Variants in EHMT1 observed in about 807,000 individuals in gnomAD.
EHMT1 encodes histone-lysine N-methyltransferase EHMT1.
EHMT1 carries 15 observed loss-of-function variants against 147.2 expected under a neutral mutation model. The observed-to-expected ratio is 0.10, with a 90% CI of 0.07 to 0.16. The LOEUF (loss-of-function observed/expected upper bound fraction) is 0.16. Ranked by LOEUF, EHMT1 falls within the 10% of genes least tolerant of loss-of-function variation. The pLI is 1.00. For missense variants in EHMT1, 1,587 were observed against 1,772.4 expected, an observed-to-expected ratio of 0.90 and a Z score of 1.88; for synonymous variants, 795 against 709.6, an observed-to-expected ratio of 1.12 and a Z score of -1.91.
chr9:137,776,727 G>C lies in EHMT1; in HGVS notation c.1901G>C (p.Ser634Thr), dbSNP rs1486960639. Residue 634 changes from serine (S) to threonine (T), a missense_variant, in exon 12 of 27, where the codon AGC becomes ACC. By Grantham distance (58) the Ser-to-Thr change is moderately conservative. Around this residue, in one of 7 missense-constraint regions of EHMT1, gnomAD observed 124 missense variants for 197.8 expected, o/e 0.63. Transcript: ENST00000460843. This position sits in a 1 kb window ranked among gnomAD's most constrained non-coding sequence, Gnocchi z 4.4. Reference protein sequence around the residue: ...ASYCPHCGEESSKAKEVTIAK... With the variant: ...ASYCPHCGEETSKAKEVTIAK... ...TATTGTCCCCACTGTGGGGAGGAGA[G>C]CTCCAAGGCCAAAGAGGTGACGATA... The C allele has an allele frequency of 6.2e-7, 1 of 1,614,008 alleles. No homozygotes were observed. Among genetic ancestry groups the C allele is most frequent in the Admixed American group, 1.7e-5 (1 of 60,022 alleles).
At chr9:137,635,404 A>C (rs1024848877) in intron 1 of EHMT1, among the ~76,000 whole-genome samples, 10 of 150,826 alleles carry the variant, frequency 6.6e-5, no homozygotes, top group Admixed American at 6.6e-4. Context: ...TTTGGTAGAG[A>C]CGGAGTTTCA....
chr9:137,633,380 A>AT (rs199509388), intron 1 of EHMT1, among the ~76,000 whole-genome samples: 2,374 of 151,790 alleles, frequency 0.016, 27 homozygotes, highest in Non-Finnish European at 0.024. Flanking sequence ...GGGGGATAAC[A>AT]TTTTGCTTAA....
intron 1 of EHMT1, 135 bp downstream of exon 1, chr9:137,619,184 C>CGCCGCT: frequency 6.7e-6 from 1 of 150,254 alleles, no homozygotes; most frequent in Non-Finnish European, 1.4e-5. Flanking sequence ...CCGCCGCCGC[C>CGCCGCT]GCCGCCGCTG....
intron 6 of EHMT1, among the ~76,000 whole-genome samples, chr9:137,749,714 T>C (rs149787034): frequency 1.3e-5 from 2 of 152,354 alleles, no homozygotes; most frequent in East Asian, 1.9e-4. Flanking sequence ...CAGCCTCTTA[T>C]AAAGAAGCTC....
At chr9:137,717,421 G>A in intron 3 of EHMT1, 1 of 620,512 alleles carries the variant, frequency 1.6e-6, no homozygotes, top group Non-Finnish European at 2.8e-6. Context: ...TGGGCAGCGT[G>A]GCGAAACTCA....
At chr9:137,826,162 G>A (rs1362371565) in intron 25 of EHMT1, among the ~76,000 whole-genome samples, 8 of 135,278 alleles carry the variant, frequency 5.9e-5, no homozygotes, top group Non-Finnish European at 1.1e-4. Context: ...GGTGGGTGGG[G>A]CGGTGTGTTC....
At chr9:137,662,535 T>C (rs1446948921) in intron 1 of EHMT1, among the ~76,000 whole-genome samples, 2 of 152,128 alleles carry the variant, frequency 1.3e-5, no homozygotes, top group Non-Finnish European at 2.9e-5. Flanking sequence ...AGTCTCGCTC[T>C]GTTGCCCAGG....
intron 1 of EHMT1, among the ~76,000 whole-genome samples, chr9:137,678,969 T>A (rs986739182): frequency 2.0e-5 from 3 of 152,090 alleles, no homozygotes; most frequent in Admixed American, 6.6e-5. Context: ...ATTTTATTTT[T>A]TTGAGATGGA....
intron 1 of EHMT1, among the ~76,000 whole-genome samples, chr9:137,691,829 C>T (rs1942960750): frequency 6.6e-6 from 1 of 152,124 alleles, no homozygotes; most frequent in African/African-American, 2.4e-5. Flanking sequence ...GTGCTTGGTA[C>T]ACTTGCCTGG....
At chr9:137,695,594 G>A (rs1471933814) in intron 1 of EHMT1, among the ~76,000 whole-genome samples, 1 of 152,222 alleles carries the variant, frequency 6.6e-6, no homozygotes, top group African/African-American at 2.4e-5. Flanking sequence ...ACATGGGGGT[G>A]GTGTTAGTGT....
chr9:137,733,963 A>G (rs1947326128), intron 4 of EHMT1, among the ~76,000 whole-genome samples: 1 of 152,208 alleles, frequency 6.6e-6, no homozygotes, highest in Non-Finnish European at 1.5e-5. Flanking sequence ...AATGACAACA[A>G]CAAAAACACC....
intron 1 of EHMT1, chr9:137,646,394 C>A (rs893479029): frequency 1.3e-5 from 13 of 985,370 alleles, no homozygotes; most frequent in Non-Finnish European, 1.6e-5. Context: ...CCTGTGACCA[C>A]GGGGAGAGGA....
chr9:137,628,833 G>A (rs966585947), intron 1 of EHMT1, among the ~76,000 whole-genome samples: 4 of 152,230 alleles, frequency 2.6e-5, no homozygotes, highest in Admixed American at 2.6e-4. Context: ...TGGGGCTAGA[G>A]CCCTGGTTTC....
chr9:137,789,691 G>A (rs1952359648), intron 15 of EHMT1, among the ~76,000 whole-genome samples: 1 of 152,134 alleles, frequency 6.6e-6, no homozygotes, highest in South Asian at 2.1e-4. Flanking sequence ...AAAGTCTCCT[G>A]AGCCTCTCAC....
In EHMT1 at chr9:137,642,000, T is replaced by C. The variant is rs574016132; in HGVS notation, c.21+22951T>C. Among the ~76,000 whole-genome samples the C allele has an allele frequency of 1.4e-4, 21 of 150,280 alleles. No individual in the cohort carries two copies. In the East Asian group the frequency reaches 3.8e-3, roughly 27 times the overall value. On this transcript the variant is annotated intron_variant, in intron 1 of 26. Coordinates refer to ENST00000460843, the MANE Select transcript of EHMT1 (RefSeq NM_024757.5). ...GACTACAGGCACCCACCACCATGCC[T>C]GGCTAATTTTTGTATTTTTAGTAGA...
At chr9:137,654,060 A>G (rs1191871271) in intron 1 of EHMT1, among the ~76,000 whole-genome samples, 2 of 152,100 alleles carry the variant, frequency 1.3e-5, no homozygotes, top group East Asian at 1.9e-4. Flanking sequence ...CCTTTTATTG[A>G]ATAGTCTTCA....
chr9:137,787,986 G>A lies in EHMT1; in HGVS notation c.2383-2862G>A. 1.4e-6 allele frequency: 2 copies of A among 1,472,852 alleles called. No individual in the cohort carries two copies. The highest frequency in any genetic ancestry group is 1.9e-6 in the Non-Finnish European group (2 of 1,061,414). The allele number at this position is 1,472,852 out of a possible 1,614,324, so 91.2% of individuals were successfully genotyped here. The stretch of plus-strand genomic sequence containing the variant: ...ACTGGACAGCCCCCCAGGAACTGAG[G>A]TGCCCTGCAGTAAGTGGAGAGGCCA... On this transcript the variant is annotated intron_variant, in intron 15 of 26. Transcript: ENST00000460843. The surrounding 1 kb of genome is among the most constrained non-coding windows in gnomAD (Gnocchi z 4.2).
At chr9:137,736,544 C>G (rs1243079233) in intron 4 of EHMT1, among the ~76,000 whole-genome samples, 1 of 152,210 alleles carries the variant, frequency 6.6e-6, no homozygotes, top group Non-Finnish European at 1.5e-5. Flanking sequence ...GGAAGACTTT[C>G]TAGGATCGAC....
rs755764879 is a variant in EHMT1 at position 137,779,692 on chromosome 9, G to A, written c.2250G>A (p.Glu750=). 2.5e-6 allele frequency: 4 copies of A among 1,613,810 alleles called. No homozygotes were observed. The Admixed American group carries it at 6.7e-5, about 27-fold the overall frequency. Residue 750 remains glutamate, a synonymous_variant, in exon 14 of 27, where the codon GAG becomes GAA. Transcript: ENST00000460843. ...TGTACTTCTCCGCCAGGCAAGGGGA[G>A]CTTCAGAAGGTGCTCCTCATGCTGG... ...KQLYFSARQG[E]LQKVLLMLVD...
Sources: gnomAD v4.1 joint callset for allele counts (sites outside exome capture counted in the v4.1 genomes callset) on GRCh38, gnomAD v4.1.1 for gene constraint, gnomAD v4.1.1 regional missense constraint, Gnocchi (gnomAD v3.1) non-coding constraint, MANE v1.5 for transcripts, NCBI Gene and HGNC (gene_info 2026-07-23, HGNC 2026-07-21) for gene names.